Variants in ERC1 observed in about 807,000 individuals in gnomAD.
ERC1 encodes RAB6 interacting protein 2.
In ERC1, 56 loss-of-function variants were observed where a neutral mutation model predicts 132.0. The ratio of observed to expected loss-of-function variants is 0.42; its 90% CI spans 0.34 to 0.53. The LOEUF is 0.53. Ranked by LOEUF, ERC1 falls within the 20% of genes least tolerant of loss-of-function variation. ERC1 has a pLI of 0.03. For missense variants in ERC1, 1,202 were observed against 1,349.9 expected (o/e 0.89, Z 1.72); for synonymous variants, 478 against 476.1 (o/e 1.00, Z -0.05).
chr12:1,346,596 A>AAC (rs1316094800), intron 15 of ERC1, among the ~76,000 whole-genome samples: 1 of 152,222 alleles, frequency 6.6e-6, no homozygotes, highest in African/African-American at 2.4e-5. Flanking sequence ...TCTATCAGTC[A>AAC]GGTATTCCAG....
chr12:994,915 T>C (rs1283560938), intron 1 of ERC1, among the ~76,000 whole-genome samples: 1 of 152,008 alleles, frequency 6.6e-6, no homozygotes, highest in Non-Finnish European at 1.5e-5. Context: ...GCCAGCATGG[T>C]GAAACCCCGT....
chr12:1,345,962 C>A (rs968027750), intron 15 of ERC1, among the ~76,000 whole-genome samples: 5 of 152,178 alleles, frequency 3.3e-5, no homozygotes, highest in Non-Finnish European at 7.3e-5. Context: ...GTGTGTTCTT[C>A]TAATGCAGAG....
intron 12 of ERC1, among the ~76,000 whole-genome samples, chr12:1,209,827 A>C (rs1957697636): frequency 6.6e-6 from 1 of 152,232 alleles, no homozygotes; most frequent in Non-Finnish European, 1.5e-5. Flanking sequence ...CCTTTTTTAA[A>C]AAATTCACAA....
intron 8 of ERC1, among the ~76,000 whole-genome samples, chr12:1,153,609 T>G (rs1321189731): frequency 6.6e-6 from 1 of 152,244 alleles, no homozygotes; most frequent in African/African-American, 2.4e-5. Flanking sequence ...CTACTGACTG[T>G]TTTTGAGCCT....
chr12:1,005,985 TCTCG>T (rs1410877111), intron 1 of ERC1, among the ~76,000 whole-genome samples: 1 of 150,124 alleles, frequency 6.7e-6, no homozygotes, highest in African/African-American at 2.5e-5. Flanking sequence ...TGAGACAGAG[TCTCG>T]CTCTATCGCC....
intron 15 of ERC1, among the ~76,000 whole-genome samples, chr12:1,306,003 C>G (rs555430894): frequency 6.6e-6 from 1 of 152,090 alleles, no homozygotes. Context: ...TATTTTGTTT[C>G]CTGAGTTTCT....
rs74058643 is a variant in ERC1 at position 1,037,263 on chromosome 12, T to C, written c.669+8691T>C. ...TCTTTTTGGATCTCATAGTGCAGTG[T>C]AGTGTGTGATCTCATCTCAGTGAAA... On this transcript the variant is annotated intron_variant, in intron 2 of 18. Coordinates refer to ENST00000360905, the MANE Select transcript of ERC1 (RefSeq NM_178040.4). Among the ~76,000 whole-genome samples, 732 of 152,366 alleles carry C rather than the reference T, an allele frequency of 4.8e-3. 3 individuals are homozygous for C. Among genetic ancestry groups the C allele is most frequent in the African/African-American group, 0.017 (691 of 41,590 alleles).
intron 15 of ERC1, among the ~76,000 whole-genome samples, chr12:1,313,910 G>T (rs1016677445): frequency 1.3e-5 from 2 of 152,132 alleles, no homozygotes; most frequent in African/African-American, 4.8e-5. Flanking sequence ...CTTGAACCTG[G>T]AAGGCGGAGT....
intron 15 of ERC1, among the ~76,000 whole-genome samples, chr12:1,303,462 C>A (rs923077982): frequency 6.6e-6 from 1 of 151,554 alleles, no homozygotes; most frequent in Non-Finnish European, 1.5e-5. Context: ...TGGTGAAACC[C>A]CGTCTCTACT....
At chr12:1,249,223 T>C (rs982996337) in intron 13 of ERC1, among the ~76,000 whole-genome samples, 6 of 152,196 alleles carry the variant, frequency 3.9e-5, no homozygotes, top group African/African-American at 1.4e-4. Context: ...AGATGTGTTA[T>C]AATACAAGTA....
chr12:1,216,607 A>AGGAGGAATGGGGGGCGGGGG (rs1958435288), intron 12 of ERC1, among the ~76,000 whole-genome samples: 1 of 27,400 alleles, frequency 3.6e-5, no homozygotes, highest in Non-Finnish European at 8.1e-5. Flanking sequence ...GGGGTCGGGG[A>AGGAGGAATGGGGGGCGGGGG]GGAGGGATGG....
At chr12:1,363,315 A>G (rs1414212563) in intron 15 of ERC1, among the ~76,000 whole-genome samples, 3 of 152,198 alleles carry the variant, frequency 2.0e-5, no homozygotes, top group African/African-American at 7.2e-5. Flanking sequence ...TAAACTTGCC[A>G]TAATCTTATG....
At chr12:1,275,865 C>T (rs1304370297) in intron 14 of ERC1, among the ~76,000 whole-genome samples, 9 of 152,158 alleles carry the variant, frequency 5.9e-5, no homozygotes. Flanking sequence ...TGTCAGAAGG[C>T]AGAGTACCTT....
intron 15 of ERC1, among the ~76,000 whole-genome samples, chr12:1,298,553 AAAAC>A (rs1453120519): frequency 1.4e-4 from 21 of 146,810 alleles, no homozygotes; most frequent in Admixed American, 6.1e-4. Context: ...AAAAAAAAAA[AAAAC>A]AAACAAACAA....
chr12:1,249,848 C>G (rs1210360040), intron 13 of ERC1, among the ~76,000 whole-genome samples: 1 of 152,212 alleles, frequency 6.6e-6, no homozygotes, highest in Non-Finnish European at 1.5e-5. Flanking sequence ...GTAGCACCTT[C>G]TTGTTGTGTC....
intron 15 of ERC1, among the ~76,000 whole-genome samples, chr12:1,344,267 A>G (rs907294020): frequency 9.2e-5 from 14 of 152,192 alleles, no homozygotes; most frequent in Non-Finnish European, 1.9e-4. Flanking sequence ...TTTTTAAAAG[A>G]TACCTGGCCT....
chr12:1,481,282 C>T (rs1216109974), intron 18 of ERC1, among the ~76,000 whole-genome samples: 10 of 152,234 alleles, frequency 6.6e-5, no homozygotes, highest in Non-Finnish European at 1.2e-4. Flanking sequence ...GTTGTGCTTT[C>T]GCACCTGTGC....
chr12:1,074,934 G>A (rs1039422694), intron 2 of ERC1, among the ~76,000 whole-genome samples: 3 of 151,798 alleles, frequency 2.0e-5, no homozygotes, highest in African/African-American at 4.8e-5. Flanking sequence ...GTTCTAGTGC[G>A]GGTCTTTTTT....
intron 8 of ERC1, among the ~76,000 whole-genome samples, chr12:1,171,409 A>G (rs1296628531): frequency 9.7e-6 from 1 of 102,830 alleles, no homozygotes; most frequent in South Asian, 2.9e-4. Flanking sequence ...TTGTTTGTAC[A>G]TTTTGTCCGA....
Sources: gnomAD v4.1 joint callset for allele counts (sites outside exome capture counted in the v4.1 genomes callset) on GRCh38, gnomAD v4.1.1 for gene constraint, MANE v1.5 for transcripts, NCBI Gene and HGNC (gene_info 2026-07-23, HGNC 2026-07-21) for gene names.